The following CPED1 variants were observed in gnomAD, a reference collection of about 807,000 sequenced individuals.
CPED1 encodes cadherin like and PC-esterase domain containing 1, also known as cadherin-like and PC-esterase domain-containing protein 1.
A neutral mutation model predicts 128.2 loss-of-function variants in CPED1; 114 were observed. The ratio of observed to expected loss-of-function variants is 0.89; its 90% CI spans 0.76 to 1.04. The LOEUF is 1.04. Among genes scored for constraint, CPED1 ranks in the 50% least tolerant of loss-of-function variants. The probability of loss-of-function intolerance (pLI) is 0.00; values close to 1 mark genes in which losing one functional copy is unlikely to be tolerated. For missense variants in CPED1, 1,211 were observed against 1,207.1 expected (o/e 1.00, Z -0.05); for synonymous variants, 462 against 426.7 (o/e 1.08, Z -1.02).
intron 16 of CPED1, among the ~76,000 whole-genome samples, chr7:121,198,739 T>C (rs1290488802): frequency 1.3e-5 from 2 of 152,158 alleles, no homozygotes; most frequent in Admixed American, 1.3e-4. Flanking sequence ...AGATACCACG[T>C]GCTGGCATAA....
intron 22 of CPED1, among the ~76,000 whole-genome samples, chr7:121,281,400 C>T (rs561978617): frequency 3.9e-5 from 6 of 152,034 alleles, no homozygotes; most frequent in African/African-American, 1.4e-4. Context: ...ATTTTTTGTT[C>T]GTTTGGGAAG....
intron 16 of CPED1, among the ~76,000 whole-genome samples, chr7:121,161,101 C>A (rs1285301690): frequency 2.0e-5 from 3 of 152,156 alleles, no homozygotes; most frequent in African/African-American, 7.2e-5. Context: ...CAAATTACCA[C>A]AAATGTAGCA....
intron 2 of CPED1, chr7:120,993,773 G>A (rs1796347130): frequency 6.4e-6 from 1 of 155,856 alleles, no homozygotes; most frequent in South Asian, 1.6e-4. Flanking sequence ...CATTTCTAGA[G>A]AGGCTTTCTT....
In CPED1 at chr7:121,083,534, A is replaced by G. The variant is rs1701228947; in HGVS notation, c.617-14165A>G. On this transcript the variant is annotated intron_variant, in intron 5 of 22. Coordinates refer to ENST00000310396, the MANE Select transcript of CPED1 (RefSeq NM_024913.5). ...AGCCAAATTATATTTTATGGGAAAT[A>G]TGTGATTTCTGTGGAATTAATGGTT... is the stretch of plus-strand genomic sequence containing the variant. Among the ~76,000 whole-genome samples, 5 of 152,326 alleles carry G rather than the reference A, an allele frequency of 3.3e-5. No homozygotes were observed. The South Asian group carries it at 1.0e-3, about 32-fold the overall frequency.
In CPED1 at chr7:121,257,940, A is replaced by G. The variant is rs374327582; in HGVS notation, c.2311-8287A>G. On this transcript the variant is annotated intron_variant, in intron 18 of 22. Transcript: ENST00000310396. ...CTCTTCCTACCATGTTATATATTCA[A>G]TGAAAGTAACATTATTTGAGCAACA... Among the ~76,000 whole-genome samples, 10 of 152,176 alleles carry G rather than the reference A, an allele frequency of 6.6e-5. No individual in the cohort carries two copies. The East Asian group carries it at 1.4e-3, about 21-fold the overall frequency.
At chr7:121,044,826 A>G (rs1330392144) in intron 3 of CPED1, among the ~76,000 whole-genome samples, 1 of 152,008 alleles carries the variant, frequency 6.6e-6, no homozygotes, top group South Asian at 2.1e-4. Context: ...TGTGCCTTGA[A>G]TAGTGAAGAA....
At chr7:121,013,996 A>G (rs1789725724) in intron 2 of CPED1, among the ~76,000 whole-genome samples, 1 of 152,258 alleles carries the variant, frequency 6.6e-6, no homozygotes, top group South Asian at 2.1e-4. Context: ...TATGCGAAAA[A>G]TGTAATTTCC....
chr7:121,245,159 G>A (rs1352930954), intron 18 of CPED1, among the ~76,000 whole-genome samples: 1 of 152,166 alleles, frequency 6.6e-6, no homozygotes, highest in African/African-American at 2.4e-5. Context: ...AAAGGCCTGG[G>A]CAGAAGGTAT....
chr7:121,182,994 T>C (rs546155054), intron 16 of CPED1, among the ~76,000 whole-genome samples: 3 of 151,852 alleles, frequency 2.0e-5, no homozygotes, highest in African/African-American at 7.2e-5. Context: ...CTTTGTCTTT[T>C]CAAAGAAAAA....
intron 18 of CPED1, among the ~76,000 whole-genome samples, chr7:121,247,689 C>T (rs1020132329): frequency 2.0e-5 from 3 of 152,144 alleles, no homozygotes; most frequent in South Asian, 2.1e-4. Context: ...ACATACCCCA[C>T]GGACATTTGA....
At chr7:121,190,583 C>T (rs1584583030) in intron 16 of CPED1, among the ~76,000 whole-genome samples, 1 of 151,718 alleles carries the variant, frequency 6.6e-6, no homozygotes, top group Non-Finnish European at 1.5e-5. Flanking sequence ...CCCCTAATCC[C>T]AAATATTATT....
chr7:121,283,788 C>T (rs988502568), intron 22 of CPED1, among the ~76,000 whole-genome samples: 5 of 152,194 alleles, frequency 3.3e-5, no homozygotes, highest in African/African-American at 1.2e-4. Context: ...GTGACTGTCT[C>T]CCATGGTTCT....
At chr7:121,102,634 C>T (rs1023431250) in intron 7 of CPED1, among the ~76,000 whole-genome samples, 1 of 152,158 alleles carries the variant, frequency 6.6e-6, no homozygotes, top group Admixed American at 6.6e-5. Flanking sequence ...ACAGTTTTTC[C>T]TCCTTTCTCC....
chr7:121,081,858 C>G (rs993832441), intron 5 of CPED1, among the ~76,000 whole-genome samples: 1 of 152,122 alleles, frequency 6.6e-6, no homozygotes, highest in African/African-American at 2.4e-5. Flanking sequence ...TTGAACTTAT[C>G]GTATGTCAAA....
At chr7:121,016,852 T>C (rs914953654) in intron 3 of CPED1, among the ~76,000 whole-genome samples, 2 of 152,186 alleles carry the variant, frequency 1.3e-5, no homozygotes, top group Non-Finnish European at 2.9e-5. Flanking sequence ...GAGAAGCAAT[T>C]TGAGTTAAGT....
chr7:121,035,842 A>G (rs963299971), intron 3 of CPED1, among the ~76,000 whole-genome samples: 1 of 51,472 alleles, frequency 1.9e-5, no homozygotes, highest in Non-Finnish European at 4.2e-5. Context: ...TAAAAAAATA[A>G]TAATAATAAA....
rs151311151 is a variant in CPED1 at position 121,244,494 on chromosome 7, T to C, written c.2310+156T>C. Among the ~76,000 whole-genome samples the C allele has an allele frequency of 2.1e-3, 325 of 152,358 alleles. 1 individual carries two copies. Among genetic ancestry groups the C allele is most frequent in the African/African-American group, 7.5e-3 (312 of 41,584 alleles). ...CTTTTTGAATCATGTATAGATGTTA[T>C]CATAGAATAGCCTGAACAATTCCCG... On this transcript the variant is annotated intron_variant, in intron 18 of 22. Coordinates refer to ENST00000310396, the MANE Select transcript of CPED1 (RefSeq NM_024913.5).
intron 16 of CPED1, 123 bp from the exon 17 acceptor site, chr7:121,236,591 A>G (rs971101812): frequency 2.4e-5 from 12 of 500,626 alleles, no homozygotes; most frequent in Admixed American, 6.4e-5. Flanking sequence ...GGGGAAAGAT[A>G]AGGAATATTT....
At chr7:121,091,050 A>T (rs954226674) in intron 5 of CPED1, among the ~76,000 whole-genome samples, 1 of 151,530 alleles carries the variant, frequency 6.6e-6, no homozygotes, top group Admixed American at 6.6e-5. Flanking sequence ...TAGTTCCTGG[A>T]GTTTTGTCTA....
Sources: allele counts gnomAD v4.1 joint callset (sites outside exome capture counted in the v4.1 genomes callset), GRCh38; gene constraint gnomAD v4.1.1; transcripts MANE v1.5; gene names NCBI Gene and HGNC (gene_info 2026-07-23, HGNC 2026-07-21).